GPATCH8: variants seen among roughly 807,000 people sequenced by gnomAD.
The protein encoded by GPATCH8 is G patch domain-containing protein 8.
A neutral mutation model predicts 118.3 loss-of-function variants in GPATCH8; 18 were observed. That is an observed-to-expected ratio of 0.15 (90% CI 0.11 to 0.23). The LOEUF (loss-of-function observed/expected upper bound fraction) is 0.23, where lower values mean the gene tolerates loss of function less well. GPATCH8 is among the 10% of genes least tolerant of loss of function. The pLI is 1.00. For missense variants in GPATCH8, 1,631 were observed against 1,873.8 expected (o/e 0.87, Z 2.39); for synonymous variants, 659 against 684.7 (o/e 0.96, Z 0.59).
rs773434389 is a variant in GPATCH8 at position 44,398,220 on chromosome 17, C to T, written c.3857G>A (p.Ser1286Asn). 3.1e-6 allele frequency: 5 copies of T among 1,613,326 alleles called. No individual in the cohort carries two copies. The highest frequency in any genetic ancestry group is 2.2e-5 in the South Asian group (2 of 91,010). Residue 1286 changes from serine to asparagine, a missense_variant, in exon 8 of 8, where the codon AGT becomes AAT. Ser to Asn is a conservative substitution (Grantham distance 46, BLOSUM62 1). Coordinates refer to ENST00000591680, the MANE Select transcript of GPATCH8 (RefSeq NM_001002909.4). The stretch of plus-strand genomic sequence containing the variant: ...TGTTGACTCAATACTAGGATCCCCA[C>T]TGGGAGGTGCATAACTGGGGAAATG... The part of the protein sequence containing the change: ...LEHFPSYAPP[S>N]GDPSIESTDG...
chr17:44,481,563 T>C (rs1277451337), intron 1 of GPATCH8, among the ~76,000 whole-genome samples: 2 of 152,296 alleles, frequency 1.3e-5, no homozygotes, highest in East Asian at 3.9e-4. Context: ...CACTGGTTGT[T>C]GTGGTGGCTG....
chr17:44,413,456 C>T (rs1466421001), intron 6 of GPATCH8, among the ~76,000 whole-genome samples: 1 of 151,934 alleles, frequency 6.6e-6, no homozygotes, highest in Non-Finnish European at 1.5e-5. Flanking sequence ...GTTGGGATTA[C>T]AGGCATGAGC....
intron 1 of GPATCH8, among the ~76,000 whole-genome samples, chr17:44,497,384 G>A (rs1168233239): frequency 6.6e-6 from 1 of 151,976 alleles, no homozygotes; most frequent in Non-Finnish European, 1.5e-5. Flanking sequence ...GAGCTCAGGA[G>A]TTTGAGACCA....
intron 7 of GPATCH8, among the ~76,000 whole-genome samples, chr17:44,405,206 ATTC>A (rs2049172100): frequency 1.3e-5 from 2 of 150,880 alleles, no homozygotes; most frequent in African/African-American, 4.9e-5. Context: ...AAGGTTTATA[ATTC>A]TTTTTTTTTT....
chr17:44,502,495 G>A (rs1040890550), intron 1 of GPATCH8, among the ~76,000 whole-genome samples: 5 of 152,004 alleles, frequency 3.3e-5, no homozygotes, highest in African/African-American at 1.2e-4. Context: ...GAAAAAACAA[G>A]TTATTCTAAT....
chr17:44,453,690 A>G (rs2051221044), intron 3 of GPATCH8, among the ~76,000 whole-genome samples: 1 of 151,904 alleles, frequency 6.6e-6, no homozygotes, highest in South Asian at 2.1e-4. Context: ...ATGCCAGGCT[A>G]ATTTTTTATT....
At chr17:44,406,297 C>G (rs1345506624) in intron 6 of GPATCH8, among the ~76,000 whole-genome samples, 1 of 152,034 alleles carries the variant, frequency 6.6e-6, no homozygotes, top group East Asian at 1.9e-4. Flanking sequence ...AAAATGATCT[C>G]AAATGCAACA....
chr17:44,395,630 T>C lies in GPATCH8; in HGVS notation c.*1938A>G, dbSNP rs1354601953. ...TTATCCAAGAAGTGATGCTTCTGAA[T>C]CAGATGAGTACTGAACAGGTAGGAG... On this transcript the variant is annotated 3_prime_UTR_variant, in exon 8 of 8. Coordinates refer to ENST00000591680, the MANE Select transcript of GPATCH8 (RefSeq NM_001002909.4). 1 of 454,220 alleles carries C rather than the reference T, an allele frequency of 2.2e-6. No homozygotes were observed. Among genetic ancestry groups the C allele is most frequent in the Admixed American group, 2.3e-5 (1 of 42,570 alleles). 28.1% of individuals were successfully genotyped at this position (454,220 alleles called of 1,614,324 possible).
intron 1 of GPATCH8, among the ~76,000 whole-genome samples, chr17:44,491,623 A>C (rs1969251641): frequency 6.6e-6 from 1 of 152,114 alleles, no homozygotes; most frequent in Admixed American, 6.6e-5. Flanking sequence ...GAAGGCAGGA[A>C]GATCACTAGA....
chr17:44,439,030 A>C (rs2050604120), intron 3 of GPATCH8, among the ~76,000 whole-genome samples: 1 of 152,144 alleles, frequency 6.6e-6, no homozygotes, highest in African/African-American at 2.4e-5. Flanking sequence ...CATTCTCGTA[A>C]ATCAGTATTC....
intron 6 of GPATCH8, among the ~76,000 whole-genome samples, chr17:44,409,549 C>T (rs903744466): frequency 2.6e-5 from 4 of 152,202 alleles, no homozygotes; most frequent in Admixed American, 1.3e-4. Flanking sequence ...AGCTATCGTA[C>T]TTTGTTCTCT....
chr17:44,427,052 T>C (rs909449254), intron 5 of GPATCH8, among the ~76,000 whole-genome samples: 2 of 152,148 alleles, frequency 1.3e-5, no homozygotes, highest in Non-Finnish European at 2.9e-5. Flanking sequence ...TAAGTTGATA[T>C]ATATGTAATT....
At chr17:44,450,580 T>C (rs1326963590) in intron 3 of GPATCH8, among the ~76,000 whole-genome samples, 1 of 83,464 alleles carries the variant, frequency 1.2e-5, no homozygotes, top group African/African-American at 4.8e-5. Context: ...ATAAACTACA[T>C]TTGAAATACT....
At chr17:44,417,642 C>T (rs2049737019) in intron 6 of GPATCH8, among the ~76,000 whole-genome samples, 2 of 152,158 alleles carry the variant, frequency 1.3e-5, no homozygotes, top group Admixed American at 6.5e-5. Flanking sequence ...TTTCAATGTG[C>T]CAGTTCCCCA....
At chr17:44,493,346 C>A (rs1269465646) in intron 1 of GPATCH8, among the ~76,000 whole-genome samples, 1 of 152,116 alleles carries the variant, frequency 6.6e-6, no homozygotes, top group African/African-American at 2.4e-5. Context: ...CAGGCACGAG[C>A]CCCCACGCCT....
In GPATCH8 at chr17:44,400,069, C is replaced by A; in HGVS notation, c.2008G>T (p.Gly670Trp). 1 of 1,613,944 alleles carries A rather than the reference C, an allele frequency of 6.2e-7. No homozygotes were observed. Residue 670 changes from glycine (G) to tryptophan (W), a missense_variant, in exon 8 of 8, where the codon GGG (glycine) becomes TGG (tryptophan). Physicochemically the swap from Gly to Trp is radical, Grantham distance 184. Transcript: ENST00000591680. Reference protein sequence around the residue: ...RSLPSKKERSGKSHRHKKKKK... With the variant: ...RSLPSKKERSWKSHRHKKKKK... ...TTCTTTTTGTGCCGGTGGGACTTCC[C>A]AGATCGTTCTTTCTTGCTGGGAAGG...
chr17:44,475,748 G>C (rs1323846006), intron 1 of GPATCH8, among the ~76,000 whole-genome samples: 1 of 151,820 alleles, frequency 6.6e-6, no homozygotes, highest in Admixed American at 6.6e-5. Flanking sequence ...TATTAGAGCT[G>C]GGCACAGTGG....
At chr17:44,408,802 G>A (rs576965476) in intron 6 of GPATCH8, among the ~76,000 whole-genome samples, 2 of 152,264 alleles carry the variant, frequency 1.3e-5, no homozygotes, top group South Asian at 2.1e-4. Flanking sequence ...GGAAGAAGAT[G>A]GGATGAAGCA....
At chr17:44,482,126 A>G (rs1339934090) in intron 1 of GPATCH8, among the ~76,000 whole-genome samples, 2 of 151,852 alleles carry the variant, frequency 1.3e-5, no homozygotes, top group Non-Finnish European at 2.9e-5. Flanking sequence ...TGTCTCAAAA[A>G]TAAATAACCC....
Sources: gnomAD v4.1 joint callset for allele counts (sites outside exome capture counted in the v4.1 genomes callset) on GRCh38, gnomAD v4.1.1 for gene constraint, MANE v1.5 for transcripts, NCBI Gene and HGNC (gene_info 2026-07-23, HGNC 2026-07-21) for gene names.